Variants in DNAH12 observed in about 807,000 individuals in gnomAD.
The protein encoded by DNAH12 is dynein axonemal heavy chain 12.
A neutral mutation model predicts 371.5 loss-of-function variants in DNAH12; 285 were observed. That is an observed-to-expected ratio of 0.77 (90% CI 0.70 to 0.85). The LOEUF is 0.85. Among genes scored for constraint, DNAH12 ranks in the 40% least tolerant of loss-of-function variants. The probability of loss-of-function intolerance (pLI) is 0.00; values close to 1 mark genes in which losing one functional copy is unlikely to be tolerated. For missense variants in DNAH12, 3,611 were observed against 3,689.4 expected, an observed-to-expected ratio of 0.98 and a Z score of 0.55; for synonymous variants, 1,200 against 1,213.0, an observed-to-expected ratio of 0.99 and a Z score of 0.22.
Position 57,296,947 on chromosome 3 carries a change from A to G in DNAH12, c.11432T>C (p.Leu3811Pro), listed in dbSNP as rs1170858225. The change falls in exon 71 of 74, where the codon CTG becomes CCG. Residue 3811 changes from leucine to proline, a missense_variant. Coordinates refer to ENST00000495027, the MANE Select transcript of DNAH12 (RefSeq NM_001366028.2). The stretch of plus-strand genomic sequence containing the variant: ...GGCCTGAGTGAAAAAGAAACCTGAC[A>G]GCCAAAACACACAAGGTTTTCCTGA... ...YNSGKPCVFW[L>P]SGFFFTQAFL... 6.4e-7 allele frequency: 1 copy of G among 1,551,596 alleles called. No individual in the cohort carries two copies. The highest frequency in any genetic ancestry group is 8.7e-7 in the Non-Finnish European group (1 of 1,147,004).
chr3:57,380,636 T>C (rs891267887), intron 50 of DNAH12, among the ~76,000 whole-genome samples: 55 of 152,266 alleles, frequency 3.6e-4, no homozygotes, highest in African/African-American at 1.3e-3. Context: ...GGTTAATTAT[T>C]GTATTTTTAG....
At chr3:57,469,841 G>A (rs2066316834) in intron 16 of DNAH12, among the ~76,000 whole-genome samples, 1 of 152,138 alleles carries the variant, frequency 6.6e-6, no homozygotes, top group Admixed American at 6.5e-5. Flanking sequence ...AGGTGGGAGA[G>A]AGGGAGGGGA....
chr3:57,486,226 C>A (rs909086805), intron 12 of DNAH12, among the ~76,000 whole-genome samples: 1 of 150,634 alleles, frequency 6.6e-6, no homozygotes, highest in African/African-American at 2.4e-5. Context: ...ACCACTTATA[C>A]CCCCCAAAAC....
chr3:57,427,779 T>C (rs938451338), intron 34 of DNAH12, among the ~76,000 whole-genome samples: 3 of 152,122 alleles, frequency 2.0e-5, no homozygotes, highest in Admixed American at 2.0e-4. Flanking sequence ...AAGGAACACC[T>C]GAGGCTACCA....
chr3:57,541,605 A>G (rs181521203), intron 2 of DNAH12, among the ~76,000 whole-genome samples: 3 of 151,606 alleles, frequency 2.0e-5, no homozygotes, highest in Admixed American at 6.6e-5. Context: ...GGCTCAAGCA[A>G]TCCTCCCACT....
rs998533781 is a variant in DNAH12, at chr3:57,419,302, T to G, written c.5714+65A>C. The G allele has an allele frequency of 2.2e-5, 31 of 1,399,284 alleles. No homozygotes were observed. The South Asian group carries it at 4.7e-4, about 21-fold the overall frequency. 86.7% of individuals were successfully genotyped at this position (1,399,284 alleles called of 1,614,324 possible). A position where few individuals can be genotyped will look rare whatever the true frequency, so the allele number is the denominator to read the frequency against. On this transcript the variant is annotated intron_variant, in intron 37 of 73. Transcript: ENST00000495027. ...GGATGATCTCGAATACTTCAAAAAT[T>G]GCCATAATCCTATTAAAATGGTACT...
intron 55 of DNAH12, among the ~76,000 whole-genome samples, chr3:57,373,765 C>A (rs2063225739): frequency 6.6e-6 from 1 of 152,184 alleles, no homozygotes; most frequent in African/African-American, 2.4e-5. Flanking sequence ...CCACAGAACA[C>A]ATTTTTTATA....
At chr3:57,494,676 G>A (rs1043686768) in intron 11 of DNAH12, among the ~76,000 whole-genome samples, 5 of 152,218 alleles carry the variant, frequency 3.3e-5, no homozygotes, top group African/African-American at 1.2e-4. Flanking sequence ...TAGAAAGGAA[G>A]TAAGACAATC....
At position 57,461,482 on chromosome 3, in the gene DNAH12, A is replaced by C; in HGVS notation, c.2736+7T>G. 6.4e-7 allele frequency: 1 copy of C among 1,551,050 alleles called. No homozygotes were observed. Among genetic ancestry groups the C allele is most frequent in the Non-Finnish European group, 8.7e-7 (1 of 1,146,652 alleles). On this transcript the variant is annotated splice_region_variant and intron_variant, in intron 19 of 73. Transcript: ENST00000495027. ...TGACCAAGAGCTGATTATCACATTT[A>C]ACATACCTTGATCTCATGTTCAAAT...
At chr3:57,400,911 ATAT>A (rs1191848051) in intron 43 of DNAH12, among the ~76,000 whole-genome samples, 2 of 152,182 alleles carry the variant, frequency 1.3e-5, no homozygotes, top group African/African-American at 4.8e-5. Flanking sequence ...AGTAAAACAT[ATAT>A]TATTCTCAAG....
intron 12 of DNAH12, 37 bp downstream of exon 12, chr3:57,489,472 C>A: frequency 6.9e-7 from 1 of 1,448,940 alleles, no homozygotes; most frequent in Non-Finnish European, 9.1e-7. Flanking sequence ...CTTCTTTTAG[C>A]CATATAATTC....
chr3:57,309,034 C>T (rs1213127899), intron 69 of DNAH12, 117 bp downstream of exon 69: 16 of 668,316 alleles, frequency 2.4e-5, no homozygotes, highest in Non-Finnish European at 3.1e-5. Flanking sequence ...ATCGCCCATT[C>T]TCTCTTCATA....
chr3:57,491,458 G>A (rs566483783), intron 11 of DNAH12, among the ~76,000 whole-genome samples: 1 of 152,176 alleles, frequency 6.6e-6, no homozygotes, highest in Non-Finnish European at 1.5e-5. Context: ...TACTATGTAT[G>A]TTATATTTCA....
At chr3:57,296,595 A>G (rs1178359325) in intron 71 of DNAH12, among the ~76,000 whole-genome samples, 160 bp from the exon 72 acceptor site, 1 of 152,250 alleles carries the variant, frequency 6.6e-6, no homozygotes, top group Non-Finnish European at 1.5e-5. Context: ...AAAAAGTATA[A>G]AAGTACTTCT....
At chr3:57,337,402 G>A (rs782785588) in intron 60 of DNAH12, among the ~76,000 whole-genome samples, 22 of 152,326 alleles carry the variant, frequency 1.4e-4, no homozygotes, top group Non-Finnish European at 2.8e-4. Context: ...GCTCACGCCT[G>A]TAATCCCAGC....
In DNAH12 at chr3:57,320,152, T is replaced by TTA. The variant is rs1399513844; in HGVS notation, c.10524+2189_10524+2190dup. Among the ~76,000 whole-genome samples, 3 of 152,176 alleles carry TTA rather than the reference T, an allele frequency of 2.0e-5. No individual in the cohort carries two copies. In the East Asian group the frequency reaches 5.8e-4, roughly 29 times the overall value. ...AAGTAGGGCACTGACATCTGTAGCTTTAACAAGTCCCCCAGGTTTGTGGGG... is the reference window on the plus strand; with the variant it reads ...AAGTAGGGCACTGACATCTGTAGCTTTATAACAAGTCCCCCAGGTTTGTGGGG... On this transcript the variant is annotated intron_variant, in intron 65 of 73. Transcript: ENST00000495027.
At chr3:57,455,859 G>A (rs1300119371) in intron 22 of DNAH12, among the ~76,000 whole-genome samples, 1 of 152,140 alleles carries the variant, frequency 6.6e-6, no homozygotes, top group Non-Finnish European at 1.5e-5. Context: ...TGGATTTATG[G>A]AGGGAGAGGT....
chr3:57,364,572 C>G (rs1001359555), intron 57 of DNAH12, among the ~76,000 whole-genome samples: 1 of 151,710 alleles, frequency 6.6e-6, no homozygotes, highest in African/African-American at 2.4e-5. Flanking sequence ...AAAGATTTCA[C>G]GACAAAAACA....
intron 65 of DNAH12, among the ~76,000 whole-genome samples, chr3:57,319,206 T>A (rs1050798108): frequency 6.6e-6 from 1 of 152,214 alleles, no homozygotes; most frequent in African/African-American, 2.4e-5. Flanking sequence ...CTAATTTTTA[T>A]ATGTTGATTT....
Sources: gnomAD v4.1 joint callset for allele counts (sites outside exome capture counted in the v4.1 genomes callset) on GRCh38, gnomAD v4.1.1 for gene constraint, MANE v1.5 for transcripts, NCBI Gene and HGNC (gene_info 2026-07-23, HGNC 2026-07-21) for gene names.